Variants in DOK5 observed in about 807,000 individuals in gnomAD.
DOK5 encodes the protein downstream of tyrosine kinase 5.
In DOK5, 27 loss-of-function variants were observed where a neutral mutation model predicts 43.3. That is an observed-to-expected ratio of 0.62 (90% CI 0.46 to 0.86). The LOEUF is 0.86. Among genes scored for constraint, DOK5 ranks in the 40% least tolerant of loss-of-function variants. The pLI is 0.00. For missense variants in DOK5, 373 were observed against 392.9 expected, an observed-to-expected ratio of 0.95 and a Z score of 0.43; for synonymous variants, 146 against 140.1, an observed-to-expected ratio of 1.04 and a Z score of -0.30.
At chr20:54,648,648 C>CA (rs1439826879) in intron 7 of DOK5, among the ~76,000 whole-genome samples, 1 of 152,138 alleles carries the variant, frequency 6.6e-6, no homozygotes, top group East Asian at 1.9e-4. Context: ...GCCTAAGGGA[C>CA]ATAAAGAGAC....
intron 2 of DOK5, among the ~76,000 whole-genome samples, chr20:54,563,504 C>G (rs937297516): frequency 2.0e-5 from 3 of 152,094 alleles, no homozygotes; most frequent in Non-Finnish European, 4.4e-5. Flanking sequence ...ACATTACTTT[C>G]AATAAATATT....
chr20:54,554,241 T>C (rs966082671), intron 1 of DOK5, among the ~76,000 whole-genome samples: 1 of 152,176 alleles, frequency 6.6e-6, no homozygotes, highest in African/African-American at 2.4e-5. Context: ...AACTAAAATG[T>C]CTCTTTTACC....
intron 1 of DOK5, among the ~76,000 whole-genome samples, chr20:54,537,620 C>T (rs1984002121): frequency 6.6e-6 from 1 of 152,050 alleles, no homozygotes; most frequent in South Asian, 2.1e-4. Flanking sequence ...AGTAATCATC[C>T]AGTTGGAATA....
At chr20:54,577,521 A>G (rs1161126038) in intron 2 of DOK5, among the ~76,000 whole-genome samples, 1 of 152,226 alleles carries the variant, frequency 6.6e-6, no homozygotes, top group East Asian at 1.9e-4. Flanking sequence ...TGGCTAGGAA[A>G]TCTGGTCTTC....
intron 1 of DOK5, among the ~76,000 whole-genome samples, chr20:54,497,651 T>G (rs1218553695): frequency 6.6e-6 from 1 of 152,154 alleles, no homozygotes; most frequent in East Asian, 1.9e-4. Flanking sequence ...AAAAAAGGAA[T>G]TCTGGCACAA....
chr20:54,534,157 T>C (rs1033723235), intron 1 of DOK5, among the ~76,000 whole-genome samples: 2 of 152,154 alleles, frequency 1.3e-5, no homozygotes, highest in Admixed American at 1.3e-4. Context: ...AAAGCAGGGC[T>C]TAGGAGAGAG....
At chr20:54,534,652 C>T (rs1983890108) in intron 1 of DOK5, among the ~76,000 whole-genome samples, 1 of 152,110 alleles carries the variant, frequency 6.6e-6, no homozygotes, top group African/African-American at 2.4e-5. Flanking sequence ...TAGTTGAATA[C>T]CTGTCAACTA....
At chr20:54,582,749 T>C (rs1985681588) in intron 2 of DOK5, among the ~76,000 whole-genome samples, 1 of 151,882 alleles carries the variant, frequency 6.6e-6, no homozygotes, top group Admixed American at 6.6e-5. Flanking sequence ...CTCCTTTCAT[T>C]TCTGATTAGA....
chr20:54,540,637 C>A (rs1271135178), intron 1 of DOK5, among the ~76,000 whole-genome samples: 1 of 152,108 alleles, frequency 6.6e-6, no homozygotes, highest in Admixed American at 6.6e-5. Context: ...CCACCTCAGC[C>A]TCCCAAGTAG....
intron 1 of DOK5, among the ~76,000 whole-genome samples, chr20:54,546,295 A>G (rs890831246): frequency 6.6e-6 from 1 of 152,224 alleles, no homozygotes; most frequent in Admixed American, 6.5e-5. Flanking sequence ...TAATATTAAC[A>G]TCCTGCTTGA....
At chr20:54,564,168 A>G (rs1277896929) in intron 2 of DOK5, among the ~76,000 whole-genome samples, 1 of 152,176 alleles carries the variant, frequency 6.6e-6, no homozygotes, top group Non-Finnish European at 1.5e-5. Context: ...TCACGCCTGT[A>G]ATCCCAGCAC....
At position 54,563,733 on chromosome 20, in the gene DOK5, G is replaced by T. The variant is rs1219051813; in HGVS notation, c.174+8693G>T. Among the ~76,000 whole-genome samples the T allele has an allele frequency of 2.0e-5, 3 of 149,218 alleles. No individual in the cohort carries two copies. The East Asian group carries it at 5.9e-4, about 29-fold the overall frequency. On this transcript the variant is annotated intron_variant, in intron 2 of 7. Coordinates refer to ENST00000262593, the MANE Select transcript of DOK5 (RefSeq NM_018431.5). ...AGATTCTTGTCTTACAGCAATGTGG[G>T]CTCGCTCTTGTCACACGTTCCATTG...
intron 1 of DOK5, among the ~76,000 whole-genome samples, chr20:54,529,896 T>C (rs1489326766): frequency 6.6e-6 from 1 of 152,258 alleles, no homozygotes; most frequent in Admixed American, 6.5e-5. Context: ...TAGCATGCAT[T>C]AGTACTGCAT....
Position 54,650,403 on chromosome 20 carries a change from T to C in DOK5, c.857-12T>C, listed in dbSNP as rs776203787. 1.4e-5 allele frequency: 23 copies of C among 1,613,552 alleles called. No individual in the cohort carries two copies. Among genetic ancestry groups the C allele is most frequent in the Non-Finnish European group, 1.9e-5 (22 of 1,179,814 alleles). The stretch of plus-strand genomic sequence containing the variant: ...AAATGTAACTGTTGATTTTAAATTC[T>C]TTTTGGAAAAGATGTTTCCAGCCCT... On this transcript the variant is annotated splice_polypyrimidine_tract_variant and intron_variant, in intron 7 of 7. Transcript: ENST00000262593.
At chr20:54,533,278 T>C (rs1983843104) in intron 1 of DOK5, among the ~76,000 whole-genome samples, 1 of 152,172 alleles carries the variant, frequency 6.6e-6, no homozygotes, top group Admixed American at 6.5e-5. Context: ...TCTCCAGACA[T>C]TGTCAAATGT....
At chr20:54,486,589 G>A (rs1170036109) in intron 1 of DOK5, among the ~76,000 whole-genome samples, 1 of 151,282 alleles carries the variant, frequency 6.6e-6, no homozygotes, top group Non-Finnish European at 1.5e-5. Context: ...ACACACACAC[G>A]ATTTAATTGG....
chr20:54,549,990 A>C (rs1984469632), intron 1 of DOK5, among the ~76,000 whole-genome samples: 1 of 152,194 alleles, frequency 6.6e-6, no homozygotes, highest in African/African-American at 2.4e-5. Context: ...CAATCGTCTC[A>C]TCTGTTATTC....
intron 6 of DOK5, among the ~76,000 whole-genome samples, chr20:54,623,092 G>A (rs1987034791): frequency 1.3e-5 from 2 of 152,070 alleles, no homozygotes; most frequent in Non-Finnish European, 2.9e-5. Context: ...AAATTGGAAC[G>A]CGTAGTCACC....
At position 54,554,949 on chromosome 20, in the gene DOK5, G is replaced by C. The variant is rs766350756; in HGVS notation, c.83G>C (p.Trp28Ser). ...TCCTTCCAGATTTATCAGCGATGCT[G>C]GTTAGTATTCAAGAAAGCTTCAAGC... ...SRRLGIYQRCWLVFKKASSKG... is the reference protein window; with the variant it reads ...SRRLGIYQRCSLVFKKASSKG... Residue 28 changes from tryptophan to serine, a missense_variant, in exon 2 of 8, where the codon TGG becomes TCG. Trp to Ser is a radical substitution (Grantham distance 177). Coordinates refer to ENST00000262593, the MANE Select transcript of DOK5 (RefSeq NM_018431.5). 1 of 1,611,956 alleles carries C rather than the reference G, an allele frequency of 6.2e-7. No individual in the cohort carries two copies.
Sources: allele counts gnomAD v4.1 joint callset (sites outside exome capture counted in the v4.1 genomes callset), GRCh38; gene constraint gnomAD v4.1.1; transcripts MANE v1.5; gene names NCBI Gene and HGNC (gene_info 2026-07-23, HGNC 2026-07-21).